The following VAV3 variants were observed in gnomAD, a reference collection of about 807,000 sequenced individuals.
The protein encoded by VAV3 is vav guanine nucleotide exchange factor 3.
In VAV3, 94 loss-of-function variants were observed where a neutral mutation model predicts 131.2. The observed-to-expected ratio is 0.72, with a 90% confidence interval of 0.61 to 0.85. The LOEUF is 0.85. VAV3 is among the 40% of genes least tolerant of loss of function. The probability of loss-of-function intolerance (pLI) is 0.00; values close to 1 mark genes in which losing one functional copy is unlikely to be tolerated. For synonymous variants in VAV3, 349 were observed against 342.0 expected, an observed-to-expected ratio of 1.02 and a Z score of -0.22; for missense variants, 939 against 1,002.7, an observed-to-expected ratio of 0.94 and a Z score of 0.86.
rs560407343 is a variant in VAV3 at position 107,756,724 on chromosome 1, C to A, written c.1086+537G>T. ...GTCTGTCTTTTCTATTCATAATTTT[C>A]GTATTTTCCTGAAAACTGAACAAAC... is the stretch of plus-strand genomic sequence containing the variant. On this transcript the variant is annotated intron_variant, in intron 11 of 26. Coordinates refer to ENST00000370056, the MANE Select transcript of VAV3 (RefSeq NM_006113.5). Among the ~76,000 whole-genome samples, 8 of 152,012 alleles carry A rather than the reference C, an allele frequency of 5.3e-5. No homozygotes were observed. In the Middle Eastern group the frequency reaches 0.01, roughly 195 times the overall value.
rs542615502 is a variant in VAV3 at position 107,858,890 on chromosome 1, T to C, written c.321+16011A>G. Among the ~76,000 whole-genome samples, 11 of 152,312 alleles carry C rather than the reference T, an allele frequency of 7.2e-5. No individual in the cohort carries two copies. In the South Asian group the frequency reaches 2.3e-3, roughly 32 times the overall value. On this transcript the variant is annotated intron_variant, in intron 2 of 26. Transcript: ENST00000370056. ...TTCAAATGTTCTTGAAACTATACAG[T>C]TGTTTTAGGCAGGGATAAATCAGAA...
intron 19 of VAV3, among the ~76,000 whole-genome samples, chr1:107,671,891 T>TA (rs1657825866): frequency 6.6e-6 from 1 of 152,228 alleles, no homozygotes; most frequent in Non-Finnish European, 1.5e-5. Flanking sequence ...CAAGATAACT[T>TA]ACAATTTTAG....
intron 1 of VAV3, among the ~76,000 whole-genome samples, chr1:107,902,055 CAAAA>C (rs946820186): frequency 3.4e-5 from 5 of 147,582 alleles, no homozygotes; most frequent in Non-Finnish European, 7.5e-5. Context: ...AAAAAAAAAA[CAAAA>C]AAAACAACAA....
intron 1 of VAV3, among the ~76,000 whole-genome samples, chr1:107,947,980 C>T (rs924799364): frequency 6.6e-6 from 1 of 152,110 alleles, no homozygotes; most frequent in Non-Finnish European, 1.5e-5. Context: ...ATACTCATAC[C>T]GTTGGGAATT....
intron 1 of VAV3, among the ~76,000 whole-genome samples, chr1:107,935,519 A>G (rs1234692139): frequency 1.3e-5 from 2 of 152,182 alleles, no homozygotes; most frequent in African/African-American, 4.8e-5. Flanking sequence ...AAATACACAA[A>G]TTTGGTCCTC....
chr1:107,577,483 G>T (rs781021727), intron 25 of VAV3, among the ~76,000 whole-genome samples: 6 of 152,204 alleles, frequency 3.9e-5, no homozygotes, highest in Non-Finnish European at 7.3e-5. Context: ...TTTGCCTAGA[G>T]AGAAGGCTAC....
intron 8 of VAV3, 132 bp downstream of exon 8, chr1:107,766,315 G>T: frequency 1.7e-6 from 1 of 600,760 alleles, no homozygotes; most frequent in Non-Finnish European, 2.9e-6. Context: ...GAAAGTAATT[G>T]TCCCACGTTC....
intron 1 of VAV3, among the ~76,000 whole-genome samples, chr1:107,957,617 A>G (rs1674879615): frequency 6.6e-6 from 1 of 152,184 alleles, no homozygotes; most frequent in South Asian, 2.1e-4. Context: ...GATATGTTTC[A>G]ATAAAGAGAA....
At chr1:107,792,864 T>G (rs1032602936) in intron 2 of VAV3, among the ~76,000 whole-genome samples, 2 of 152,110 alleles carry the variant, frequency 1.3e-5, no homozygotes. Context: ...TGGTTTGCAA[T>G]TAAGTAGACT....
intron 1 of VAV3, chr1:107,963,608 C>G (rs1675251962): frequency 6.6e-6 from 1 of 151,766 alleles, no homozygotes; most frequent in Non-Finnish European, 1.5e-5. Context: ...CTTATTAAAT[C>G]ATATAAAGTC....
intron 1 of VAV3, among the ~76,000 whole-genome samples, chr1:107,890,319 C>A (rs905515300): frequency 1.3e-5 from 2 of 152,096 alleles, no homozygotes; most frequent in African/African-American, 4.8e-5. Context: ...TGTAGTATTT[C>A]TTCTGAAAAT....
Position 107,879,691 on chromosome 1 carries a change from A to G in VAV3, c.205-4674T>C, listed in dbSNP as rs1571083496. Among the ~76,000 whole-genome samples the G allele has an allele frequency of 2.3e-5, 3 of 131,992 alleles. No homozygotes were observed. In the Admixed American group the frequency reaches 2.4e-4, roughly 11 times the overall value. The allele number at this position is 131,992 out of a possible 152,430, so 86.6% of individuals were successfully genotyped here. A position where few individuals can be genotyped will look rare whatever the true frequency, so the allele number is the denominator to read the frequency against. ...AAGGGCAAATCCAGCTCACTGTTTCATAACCATACCTATTTTTGACAAAAA... is the reference window on the plus strand; with the variant it reads ...AAGGGCAAATCCAGCTCACTGTTTCGTAACCATACCTATTTTTGACAAAAA... On this transcript the variant is annotated intron_variant, in intron 1 of 26. Coordinates refer to ENST00000370056, the MANE Select transcript of VAV3 (RefSeq NM_006113.5).
chr1:107,666,304 T>C (rs1456915926), intron 19 of VAV3, among the ~76,000 whole-genome samples: 3 of 152,144 alleles, frequency 2.0e-5, no homozygotes, highest in African/African-American at 7.2e-5. Flanking sequence ...GTTCTTACTC[T>C]TAAGGGAAAA....
At chr1:107,659,926 C>T (rs530147548) in intron 19 of VAV3, among the ~76,000 whole-genome samples, 66 of 152,258 alleles carry the variant, frequency 4.3e-4, no homozygotes, top group African/African-American at 1.6e-3. Context: ...GAATAAATCA[C>T]CAGAATACTA....
chr1:107,923,071 T>C (rs1672988136), intron 1 of VAV3, among the ~76,000 whole-genome samples: 1 of 152,150 alleles, frequency 6.6e-6, no homozygotes, highest in Non-Finnish European at 1.5e-5. Flanking sequence ...CTCAACAGCT[T>C]GCAGAGTTTT....
At chr1:107,607,255 T>A (rs776646736) in intron 22 of VAV3, among the ~76,000 whole-genome samples, 2 of 152,012 alleles carry the variant, frequency 1.3e-5, no homozygotes, top group Non-Finnish European at 2.9e-5. Context: ...CCCAGCTGAG[T>A]CTGATCATTT....
intron 2 of VAV3, among the ~76,000 whole-genome samples, chr1:107,807,764 G>A (rs78088580): frequency 0.15 from 22,989 of 152,108 alleles, 2,021 homozygotes; most frequent in East Asian, 0.29. Context: ...GAAATTCAAT[G>A]TAACTTATGG....
intron 21 of VAV3, 34 bp downstream of exon 21, chr1:107,617,533 T>C (rs778694371): frequency 6.3e-7 from 1 of 1,579,068 alleles, no homozygotes; most frequent in East Asian, 2.3e-5. Context: ...AAAAACAAAA[T>C]GAAGCAAGAG....
intron 2 of VAV3, among the ~76,000 whole-genome samples, chr1:107,824,612 C>T (rs1667937100): frequency 6.6e-6 from 1 of 152,136 alleles, no homozygotes; most frequent in South Asian, 2.1e-4. Context: ...CTATCTATAT[C>T]TGTACTTCCA....
Sources: gnomAD v4.1 joint callset for allele counts (sites outside exome capture counted in the v4.1 genomes callset) on GRCh38, gnomAD v4.1.1 for gene constraint, MANE v1.5 for transcripts, NCBI Gene and HGNC (gene_info 2026-07-23, HGNC 2026-07-21) for gene names.